Variants in MAP3K5 observed in about 807,000 individuals in gnomAD.
MAP3K5 encodes ASK-1.
MAP3K5 carries 56 observed loss-of-function variants against 158.7 expected under a neutral mutation model. The ratio of observed to expected loss-of-function variants is 0.35; its 90% CI spans 0.28 to 0.44. The LOEUF is 0.44. Ranked by LOEUF, MAP3K5 falls within the 20% of genes least tolerant of loss-of-function variation. The pLI is 1.00. For synonymous variants in MAP3K5, 579 were observed against 601.7 expected (o/e 0.96, Z 0.55); for missense variants, 1,294 against 1,674.8 (o/e 0.77, Z 3.97).
At chr6:136,606,711 T>C (rs369515194) in intron 18 of MAP3K5, among the ~76,000 whole-genome samples, 79 of 152,330 alleles carry the variant, frequency 5.2e-4, no homozygotes, top group African/African-American at 1.8e-3. Context: ...CTTCAAATTA[T>C]GAGGTGTTTG....
At chr6:136,748,392 G>A (rs1452424209) in intron 1 of MAP3K5, among the ~76,000 whole-genome samples, 2 of 151,992 alleles carry the variant, frequency 1.3e-5, no homozygotes, top group East Asian at 3.9e-4. Flanking sequence ...TCATCACCAA[G>A]GTCTGATTGC....
chr6:136,743,703 G>A (rs1373060027), intron 1 of MAP3K5, among the ~76,000 whole-genome samples: 2 of 152,200 alleles, frequency 1.3e-5, no homozygotes, highest in Non-Finnish European at 2.9e-5. Context: ...CCCAAATGAA[G>A]TGAATTATTA....
chr6:136,701,557 A>G (rs1194008308), intron 3 of MAP3K5, among the ~76,000 whole-genome samples: 1 of 152,236 alleles, frequency 6.6e-6, no homozygotes, highest in African/African-American at 2.4e-5. Context: ...TGCTTCTAAA[A>G]TGTTACCAAG....
chr6:136,792,324 G>A lies in MAP3K5; in HGVS notation c.-167C>T, dbSNP rs1392565145. ...CCTCTCCGGCGCCCTCTCCCCCGAG[G>A]GCACGCCGCTGCCCGGCGGCGGCTC... On this transcript the variant is annotated 5_prime_UTR_variant, in exon 1 of 30. Transcript: ENST00000359015. The surrounding 1 kb of genome is among the most constrained non-coding windows in gnomAD (Gnocchi z 5.7). The A allele has an allele frequency of 6.3e-5, 64 of 1,014,860 alleles. No homozygotes were observed. Among genetic ancestry groups the A allele is most frequent in the African/African-American group, 3.6e-4 (20 of 55,174 alleles). The allele number at this position is 1,014,860 out of a possible 1,614,324, so 62.9% of individuals were successfully genotyped here.
chr6:136,583,814 C>T (rs1235498963), intron 23 of MAP3K5, 74 bp from the exon 24 acceptor site: 7 of 1,340,514 alleles, frequency 5.2e-6, no homozygotes, highest in African/African-American at 1.5e-5. Context: ...TATCTCCATA[C>T]CCCCTGCCCC....
At position 136,613,129 on chromosome 6, in the gene MAP3K5, C is replaced by G. The variant is rs1776415029; in HGVS notation, c.2406G>C (p.Arg802=). 2 of 1,607,316 alleles carry G rather than the reference C, an allele frequency of 1.2e-6. No individual in the cohort carries two copies. Among genetic ancestry groups the G allele is most frequent in the Non-Finnish European group, 8.5e-7 (1 of 1,177,326 alleles). ...TGCTGGTGTACCTCACCTTTATGTC[C>G]CGGTGAACTATCTGATTGTCATGGA... is the stretch of plus-strand genomic sequence containing the variant. ...KYLHDNQIVH[R]DIKGDNVLIN... Residue 802 remains arginine (R), a synonymous_variant, in exon 17 of 30, where the codon CGG becomes CGC. Coordinates refer to ENST00000359015, the MANE Select transcript of MAP3K5 (RefSeq NM_005923.4). This position sits in a 1 kb window ranked among gnomAD's most constrained non-coding sequence, Gnocchi z 4.0.
At chr6:136,615,603 G>C (rs1776529242) in intron 15 of MAP3K5, among the ~76,000 whole-genome samples, 1 of 152,172 alleles carries the variant, frequency 6.6e-6, no homozygotes, top group Admixed American at 6.5e-5. Context: ...GGAGCCTAGT[G>C]CAGGAGCTCA....
At chr6:136,718,211 T>C (rs1043066151) in intron 2 of MAP3K5, among the ~76,000 whole-genome samples, 2 of 152,152 alleles carry the variant, frequency 1.3e-5, no homozygotes, top group South Asian at 2.1e-4. Context: ...TATTATTCTT[T>C]GTTTTGTGAT....
intron 7 of MAP3K5, among the ~76,000 whole-genome samples, chr6:136,692,853 G>C (rs1780445788): frequency 6.6e-6 from 1 of 152,118 alleles, no homozygotes; most frequent in African/African-American, 2.4e-5. Flanking sequence ...CTACTCAGGA[G>C]GCTGAGGTGG....
intron 1 of MAP3K5, among the ~76,000 whole-genome samples, chr6:136,782,926 C>T (rs1784678281): frequency 6.6e-6 from 1 of 152,192 alleles, no homozygotes; most frequent in Non-Finnish European, 1.5e-5. Context: ...TGTCTCATAT[C>T]CTTCCTGCTT....
chr6:136,596,715 G>T (rs1389836211), intron 21 of MAP3K5, among the ~76,000 whole-genome samples: 1 of 152,228 alleles, frequency 6.6e-6, no homozygotes, highest in Non-Finnish European at 1.5e-5. Context: ...GAAAGAGCAA[G>T]ACAGGTGGTG....
chr6:136,707,453 T>C (rs1477145245), intron 2 of MAP3K5, among the ~76,000 whole-genome samples: 2 of 150,518 alleles, frequency 1.3e-5, no homozygotes, highest in Non-Finnish European at 1.5e-5. Flanking sequence ...GCCGGAGAGC[T>C]AGGTAAAGCA....
intron 21 of MAP3K5, chr6:136,593,720 A>G: frequency 2.4e-6 from 1 of 415,454 alleles, no homozygotes; most frequent in Non-Finnish European, 4.7e-6. Context: ...TATGCAAAAA[A>G]AAAAAAAAAA....
At chr6:136,785,442 T>C (rs1250375905) in intron 1 of MAP3K5, among the ~76,000 whole-genome samples, 1 of 152,118 alleles carries the variant, frequency 6.6e-6, no homozygotes, top group Non-Finnish European at 1.5e-5. Context: ...GCGGTTGCAA[T>C]CTGCAGTGAG....
intron 19 of MAP3K5, 103 bp downstream of exon 19, chr6:136,605,106 T>C (rs1261020558): frequency 4.2e-6 from 5 of 1,182,834 alleles, no homozygotes; most frequent in Admixed American, 2.2e-5. Context: ...AAGTTGTGTT[T>C]ACTTAGCACC....
chr6:136,657,814 A>G (rs1485050272), intron 9 of MAP3K5, among the ~76,000 whole-genome samples: 42 of 152,242 alleles, frequency 2.8e-4, no homozygotes, highest in Admixed American at 2.7e-3. Flanking sequence ...GCACGTGCTC[A>G]GACACTCATG....
chr6:136,759,737 G>A (rs1010329578), intron 1 of MAP3K5, among the ~76,000 whole-genome samples: 1 of 148,446 alleles, frequency 6.7e-6, no homozygotes, highest in Admixed American at 6.7e-5. Context: ...GATTATAGGT[G>A]TGAGCTACCG....
intron 1 of MAP3K5, among the ~76,000 whole-genome samples, chr6:136,746,291 G>A (rs1782955001): frequency 6.6e-6 from 1 of 151,884 alleles, no homozygotes; most frequent in East Asian, 1.9e-4. Context: ...ATTTTGAGGG[G>A]GGGGCAGGAA....
chr6:136,732,676 G>A (rs571144429), intron 1 of MAP3K5, among the ~76,000 whole-genome samples: 14 of 152,104 alleles, frequency 9.2e-5, no homozygotes, highest in South Asian at 2.1e-4. Flanking sequence ...ATGTCGTGAC[G>A]CCAATTTGTC....
Sources: allele counts gnomAD v4.1 joint callset (sites outside exome capture counted in the v4.1 genomes callset), GRCh38; gene constraint gnomAD v4.1.1; non-coding constraint Gnocchi (gnomAD v3.1); transcripts MANE v1.5; gene names NCBI Gene and HGNC (gene_info 2026-07-23, HGNC 2026-07-21).